PRKG1: variants seen among roughly 807,000 people sequenced by gnomAD.
The protein encoded by PRKG1 is cGMP-dependent protein kinase 1.
In PRKG1, 35 loss-of-function variants were observed where a neutral mutation model predicts 88.1. That is an observed-to-expected ratio of 0.40 (90% CI 0.30 to 0.53). PRKG1 has a LOEUF of 0.53. PRKG1 is among the 20% of genes least tolerant of loss of function. The pLI, the probability that PRKG1 is intolerant of heterozygous loss-of-function variation, is 0.59. For missense variants in PRKG1, 540 were observed against 839.8 expected (o/e 0.64, Z 4.41); for synonymous variants, 303 against 292.5 (o/e 1.04, Z -0.37).
intron 3 of PRKG1, among the ~76,000 whole-genome samples, chr10:51,750,291 G>T (rs1246757462): frequency 6.6e-6 from 1 of 152,000 alleles, no homozygotes; most frequent in Admixed American, 6.6e-5. Flanking sequence ...GTGTGGTCCC[G>T]CAACTGACTT....
chr10:51,418,671 T>A (rs1838316059), intron 2 of PRKG1, among the ~76,000 whole-genome samples: 1 of 152,196 alleles, frequency 6.6e-6, no homozygotes, highest in Non-Finnish European at 1.5e-5. Context: ...TGCTATATGA[T>A]GAGTGAGGCT....
intron 3 of PRKG1, among the ~76,000 whole-genome samples, chr10:51,671,582 C>A (rs12254777): frequency 0.13 from 19,918 of 149,848 alleles, 1,390 homozygotes; most frequent in South Asian, 0.17. Flanking sequence ...TTCTCTCTCT[C>A]TCTCTCTCTT....
intron 4 of PRKG1, among the ~76,000 whole-genome samples, chr10:51,842,739 C>T (rs1258786136): frequency 6.6e-6 from 1 of 151,908 alleles, no homozygotes; most frequent in Non-Finnish European, 1.5e-5. Flanking sequence ...TGTTCATTTG[C>T]TTTTCTCAAT....
chr10:51,896,796 T>G (rs1841862279), intron 4 of PRKG1, among the ~76,000 whole-genome samples: 1 of 152,056 alleles, frequency 6.6e-6, no homozygotes, highest in African/African-American at 2.4e-5. Context: ...CAGTATACAA[T>G]TCTCCAGTAT....
intron 2 of PRKG1, among the ~76,000 whole-genome samples, chr10:51,193,960 G>A (rs533389295): frequency 1.1e-4 from 16 of 152,228 alleles, no homozygotes; most frequent in Admixed American, 4.6e-4. Context: ...TGCTGGGGCA[G>A]GTCAGGAACA....
chr10:52,188,361 T>A (rs1418798274), intron 9 of PRKG1, among the ~76,000 whole-genome samples: 2 of 148,522 alleles, frequency 1.3e-5, no homozygotes, highest in East Asian at 3.9e-4. Context: ...TTTGTTTGAT[T>A]TTTTTGAGAT....
At chr10:51,251,902 A>G (rs1218320522) in intron 2 of PRKG1, among the ~76,000 whole-genome samples, 1 of 151,858 alleles carries the variant, frequency 6.6e-6, no homozygotes, top group Non-Finnish European at 1.5e-5. Context: ...TTGGCCATAA[A>G]CATGAGACAT....
At chr10:51,030,884 C>T (rs1169005160) in intron 1 of PRKG1, among the ~76,000 whole-genome samples, 1 of 152,166 alleles carries the variant, frequency 6.6e-6, no homozygotes, top group African/African-American at 2.4e-5. Flanking sequence ...CCATTTAAAC[C>T]TCTTTTCTTT....
chr10:52,291,310 T>G (rs2132464501), intron 17 of PRKG1, among the ~76,000 whole-genome samples: 1 of 151,820 alleles, frequency 6.6e-6, no homozygotes, highest in South Asian at 2.1e-4. Flanking sequence ...AATGTGCAGG[T>G]TAGTTACATA....
intron 2 of PRKG1, among the ~76,000 whole-genome samples, chr10:51,422,905 T>A (rs1838457244): frequency 6.6e-6 from 1 of 152,076 alleles, no homozygotes; most frequent in African/African-American, 2.4e-5. Context: ...GGGAGGGCGA[T>A]TGAAGAGTGA....
chr10:51,525,582 C>T (rs1055234949), intron 3 of PRKG1, among the ~76,000 whole-genome samples: 27 of 152,012 alleles, frequency 1.8e-4, no homozygotes, highest in African/African-American at 5.1e-4. Context: ...CCTGTAGTCC[C>T]GGCTACTCGG....
At chr10:51,581,012 G>A (rs183455985) in intron 3 of PRKG1, among the ~76,000 whole-genome samples, 1 of 152,020 alleles carries the variant, frequency 6.6e-6, no homozygotes, top group African/African-American at 2.4e-5. Context: ...GTCCAGGGGG[G>A]GGTCACTGCC....
chr10:51,454,185 A>T (rs1489584206), intron 2 of PRKG1, among the ~76,000 whole-genome samples: 7 of 152,030 alleles, frequency 4.6e-5, no homozygotes, highest in African/African-American at 1.2e-4. Flanking sequence ...CAATCTAAGG[A>T]TTCAATGCAA....
At chr10:51,163,725 G>A (rs1472036878) in intron 2 of PRKG1, among the ~76,000 whole-genome samples, 1 of 152,194 alleles carries the variant, frequency 6.6e-6, no homozygotes, top group African/African-American at 2.4e-5. Context: ...CTTAAAAAAC[G>A]GCGCACCAGG....
At chr10:51,788,018 A>G (rs150969923) in intron 3 of PRKG1, among the ~76,000 whole-genome samples, 79 of 152,276 alleles carry the variant, frequency 5.2e-4, no homozygotes, top group African/African-American at 1.8e-3. Flanking sequence ...AGACTCGATA[A>G]CACTCTGAGT....
intron 4 of PRKG1, among the ~76,000 whole-genome samples, chr10:51,819,657 T>C (rs1194230893): frequency 6.6e-6 from 1 of 152,000 alleles, no homozygotes; most frequent in Non-Finnish European, 1.5e-5. Context: ...GAAAAGGAAA[T>C]AGAGTCTAGG....
At chr10:52,158,225 A>G (rs1838179998) in intron 8 of PRKG1, among the ~76,000 whole-genome samples, 1 of 151,702 alleles carries the variant, frequency 6.6e-6, no homozygotes, top group South Asian at 2.1e-4. Context: ...GTTAAAACTC[A>G]TAAATAATAT....
intron 2 of PRKG1, among the ~76,000 whole-genome samples, chr10:51,401,727 T>C (rs1837744350): frequency 6.6e-6 from 1 of 152,088 alleles, no homozygotes; most frequent in African/African-American, 2.4e-5. Context: ...TTGTCAAATA[T>C]CTCCTTCCCT....
chr10:52,121,522 G>C (rs2132612071), intron 7 of PRKG1, among the ~76,000 whole-genome samples: 1 of 152,294 alleles, frequency 6.6e-6, no homozygotes, highest in Admixed American at 6.5e-5. Context: ...GCAGCTAAAA[G>C]AGGCCATGTA....
Sources: gnomAD v4.1 joint callset for allele counts (sites outside exome capture counted in the v4.1 genomes callset) on GRCh38, gnomAD v4.1.1 for gene constraint, MANE v1.5 for transcripts, NCBI Gene and HGNC (gene_info 2026-07-23, HGNC 2026-07-21) for gene names.